The following PDE7B variants were observed in gnomAD, a reference collection of about 807,000 sequenced individuals.
PDE7B encodes 3',5'-cyclic-AMP phosphodiesterase 7B.
A neutral mutation model predicts 56.2 loss-of-function variants in PDE7B; 29 were observed. The observed-to-expected ratio is 0.52, with a 90% confidence interval of 0.38 to 0.70. The LOEUF (loss-of-function observed/expected upper bound fraction) is 0.70. PDE7B is among the 30% of genes least tolerant of loss of function. The pLI, the probability that PDE7B is intolerant of heterozygous loss-of-function variation, is 0.00. For missense variants in PDE7B, 490 were observed against 565.0 expected, an observed-to-expected ratio of 0.87 and a Z score of 1.35; for synonymous variants, 197 against 196.9, an observed-to-expected ratio of 1.00 and a Z score of 0.00.
intron 2 of PDE7B, chr6:136,044,174 C>T (rs1776459787): frequency 6.6e-6 from 1 of 152,188 alleles, no homozygotes; most frequent in Non-Finnish European, 1.5e-5. Context: ...ATGCCTTTCT[C>T]TTCTGAAGTT....
chr6:135,956,944 A>G (rs1292165384), intron 2 of PDE7B, among the ~76,000 whole-genome samples: 2 of 152,132 alleles, frequency 1.3e-5, no homozygotes, highest in African/African-American at 4.8e-5. Flanking sequence ...CTGGTGGAGG[A>G]TATGACAGTA....
rs752187218 is a variant in PDE7B, at chr6:136,191,013, C to CTTTTTTTTTTTTTT, written c.1127-590_1127-577dup. Among the ~76,000 whole-genome samples, 127 of 99,252 alleles carry CTTTTTTTTTTTTTT rather than the reference C, an allele frequency of 1.3e-3. 9 individuals carry two copies. The highest frequency in any genetic ancestry group is 0.011 in the East Asian group (38 of 3,320). 65.1% of individuals were successfully genotyped at this position (99,252 alleles called of 152,430 possible). ...CTGCCTTCTTTAGCTCCAGCATACA[C>CTTTTTTTTTTTTTT]TTTTTTTTTTTTTTTTTTTTTTTTA... On this transcript the variant is annotated intron_variant, in intron 12 of 12. Transcript: ENST00000308191.
At chr6:136,074,188 G>A (rs1023689612) in intron 2 of PDE7B, among the ~76,000 whole-genome samples, 7 of 146,500 alleles carry the variant, frequency 4.8e-5, no homozygotes, top group Admixed American at 1.4e-4. Flanking sequence ...AGCCAAGATC[G>A]CACCACTGCA....
At chr6:136,013,471 C>T (rs542316234) in intron 2 of PDE7B, among the ~76,000 whole-genome samples, 23 of 152,300 alleles carry the variant, frequency 1.5e-4, no homozygotes, top group East Asian at 3.9e-4. Flanking sequence ...CAGGGATCTC[C>T]GCTCTCAAGT....
At chr6:136,165,276 G>A (rs1176422303) in intron 8 of PDE7B, among the ~76,000 whole-genome samples, 1 of 152,096 alleles carries the variant, frequency 6.6e-6, no homozygotes. Flanking sequence ...AGTAGATAAG[G>A]TCGTGTGTGT....
chr6:136,040,046 T>C (rs1230605438), intron 2 of PDE7B, among the ~76,000 whole-genome samples: 1 of 152,188 alleles, frequency 6.6e-6, no homozygotes, highest in Non-Finnish European at 1.5e-5. Flanking sequence ...AGCAATACTC[T>C]GGAGAAAAAG....
chr6:136,151,650 T>C (rs1036105288), intron 6 of PDE7B, among the ~76,000 whole-genome samples: 5 of 137,210 alleles, frequency 3.6e-5, no homozygotes, highest in South Asian at 4.7e-4. Flanking sequence ...TAAAGTAAGA[T>C]AGAGAAAAGA....
chr6:135,891,601 A>G (rs1322552778), intron 1 of PDE7B, among the ~76,000 whole-genome samples: 1 of 152,242 alleles, frequency 6.6e-6, no homozygotes. Context: ...CGCCAGAATC[A>G]TCTGAACACA....
chr6:135,874,832 G>C (rs1057396396), intron 1 of PDE7B, among the ~76,000 whole-genome samples: 2 of 152,036 alleles, frequency 1.3e-5, no homozygotes, highest in African/African-American at 4.8e-5. Context: ...ACTGTAATAG[G>C]TAAATTAAAA....
At chr6:136,011,134 T>A (rs915528546) in intron 2 of PDE7B, among the ~76,000 whole-genome samples, 2 of 152,150 alleles carry the variant, frequency 1.3e-5, no homozygotes, top group African/African-American at 4.8e-5. Context: ...GGGTTTTCAC[T>A]TCTAACTCCC....
At chr6:136,114,191 G>C (rs967879028) in intron 3 of PDE7B, among the ~76,000 whole-genome samples, 4 of 152,252 alleles carry the variant, frequency 2.6e-5, no homozygotes, top group East Asian at 1.9e-4. Flanking sequence ...TCTCCTGTCA[G>C]GGTCATCTTA....
chr6:136,147,265 TC>T, intron 3 of PDE7B, 85 bp from the exon 4 acceptor site: 1 of 814,746 alleles, frequency 1.2e-6, no homozygotes, highest in Non-Finnish European at 1.9e-6. Context: ...AAATTTCTCT[TC>T]TTTTAATGCA....
intron 5 of PDE7B, among the ~76,000 whole-genome samples, chr6:136,149,986 T>C (rs141987804): frequency 9.9e-5 from 15 of 152,280 alleles, no homozygotes; most frequent in African/African-American, 3.1e-4. Context: ...GTCATTTTGT[T>C]CAAATCAACT....
chr6:135,981,588 G>T (rs1432163385), intron 2 of PDE7B, among the ~76,000 whole-genome samples: 3 of 147,362 alleles, frequency 2.0e-5, no homozygotes, highest in Non-Finnish European at 4.5e-5. Flanking sequence ...TGATCATCTT[G>T]ACCCTGGGTA....
chr6:136,018,211 T>C lies in PDE7B; in HGVS notation c.82+70687T>C, dbSNP rs569978908. 1.3e-3 allele frequency among the ~76,000 whole-genome samples: 192 copies of C among 152,282 alleles called. 1 individual carries two copies. Among genetic ancestry groups the C allele is most frequent in the Non-Finnish European group, 2.5e-3 (167 of 68,030 alleles). On this transcript the variant is annotated intron_variant, in intron 2 of 12. Coordinates refer to ENST00000308191, the MANE Select transcript of PDE7B (RefSeq NM_018945.4). The stretch of plus-strand genomic sequence containing the variant: ...AACGATTGGCAGGATCGAGGCAGAA[T>C]ACCTTCAGTCCCAAGTAGCAGATCA...
At chr6:136,159,905 C>T (rs552480818) in intron 8 of PDE7B, among the ~76,000 whole-genome samples, 2 of 152,260 alleles carry the variant, frequency 1.3e-5, no homozygotes, top group Non-Finnish European at 2.9e-5. Context: ...TTCTGTTTGC[C>T]AAATACCCTC....
chr6:135,976,528 A>AT, intron 2 of PDE7B, among the ~76,000 whole-genome samples: 1 of 152,200 alleles, frequency 6.6e-6, no homozygotes. Context: ...ACAGCTTTCC[A>AT]TTTTTTCTTC....
At chr6:136,041,754 T>C (rs1776418907) in intron 2 of PDE7B, among the ~76,000 whole-genome samples, 1 of 152,244 alleles carries the variant, frequency 6.6e-6, no homozygotes, top group Non-Finnish European at 1.5e-5. Flanking sequence ...TACTCACATC[T>C]TTTTCCCTTT....
At chr6:136,177,690 C>CA (rs1779001563) in intron 9 of PDE7B, among the ~76,000 whole-genome samples, 2 of 152,144 alleles carry the variant, frequency 1.3e-5, no homozygotes, top group South Asian at 4.2e-4. Flanking sequence ...AAATTTATAC[C>CA]ATCATTTTGA....
Sources: gnomAD v4.1 joint callset for allele counts (sites outside exome capture counted in the v4.1 genomes callset) on GRCh38, gnomAD v4.1.1 for gene constraint, MANE v1.5 for transcripts, NCBI Gene and HGNC (gene_info 2026-07-23, HGNC 2026-07-21) for gene names.